ADAMTS17: variants seen among roughly 807,000 people sequenced by gnomAD.
ADAMTS17 encodes the protein A disintegrin and metalloproteinase with thrombospondin motifs 17.
In ADAMTS17, 113 loss-of-function variants were observed where a neutral mutation model predicts 141.5. The observed-to-expected ratio is 0.80, with a 90% CI of 0.69 to 0.93. The LOEUF is 0.93. ADAMTS17 is among the 40% of genes least tolerant of loss of function. ADAMTS17 has a pLI of 0.00. For missense variants in ADAMTS17, 1,659 were observed against 1,517.9 expected (o/e 1.09, Z -1.54); for synonymous variants, 768 against 630.6 (o/e 1.22, Z -3.27).
intron 3 of ADAMTS17, among the ~76,000 whole-genome samples, chr15:100,282,218 C>G (rs991527560): frequency 2.0e-5 from 3 of 152,118 alleles, no homozygotes; most frequent in African/African-American, 7.3e-5. Context: ...AACAGGAAGT[C>G]TCTCTCATTT....
chr15:100,104,186 G>C (rs1034640885), intron 14 of ADAMTS17, among the ~76,000 whole-genome samples: 3 of 152,178 alleles, frequency 2.0e-5, no homozygotes, highest in African/African-American at 7.2e-5. Flanking sequence ...CATGTCAGCA[G>C]CTCCAGATGC....
At chr15:100,075,767 G>C (rs991218717) in intron 15 of ADAMTS17, among the ~76,000 whole-genome samples, 1 of 152,168 alleles carries the variant, frequency 6.6e-6, no homozygotes. Context: ...GCCTTCTGCA[G>C]TGCTCATTTG....
intron 15 of ADAMTS17, among the ~76,000 whole-genome samples, chr15:100,082,526 C>T (rs965111923): frequency 6.6e-6 from 1 of 151,994 alleles, no homozygotes; most frequent in African/African-American, 2.4e-5. Flanking sequence ...GTGGGGACTT[C>T]AGGCACACAC....
At chr15:100,251,692 C>T (rs949119404) in intron 7 of ADAMTS17, among the ~76,000 whole-genome samples, 3 of 152,340 alleles carry the variant, frequency 2.0e-5, no homozygotes, top group South Asian at 2.1e-4. Flanking sequence ...GAGCCCAGAT[C>T]GTGCCACTGC....
chr15:99,987,628 C>T (rs1056570641), intron 20 of ADAMTS17, among the ~76,000 whole-genome samples: 5 of 152,142 alleles, frequency 3.3e-5, no homozygotes, highest in African/African-American at 7.2e-5. Context: ...GTAAACAGTC[C>T]GAATCAGACA....
At position 100,006,737 on chromosome 15, in the gene ADAMTS17, G is replaced by A. The variant is rs929650812; in HGVS notation, c.2592-9148C>T. Among the ~76,000 whole-genome samples, 5 of 152,316 alleles carry A rather than the reference G, an allele frequency of 3.3e-5. No homozygotes were observed. In the South Asian group the frequency reaches 1.0e-3, roughly 32 times the overall value. On this transcript the variant is annotated intron_variant, in intron 18 of 21. Coordinates refer to ENST00000268070, the MANE Select transcript of ADAMTS17 (RefSeq NM_139057.4). Reference sequence around the variant, plus strand: ...GTGTCTAATCTGTGCCAATCTCTGTGCTAGGAATGTTCCCCACATTCACTC... The same window carrying A: ...GTGTCTAATCTGTGCCAATCTCTGTACTAGGAATGTTCCCCACATTCACTC...
intron 9 of ADAMTS17, among the ~76,000 whole-genome samples, chr15:100,154,488 C>A (rs952446347): frequency 6.6e-6 from 1 of 152,136 alleles, no homozygotes; most frequent in African/African-American, 2.4e-5. Context: ...CTCGCCGACT[C>A]ACTGCTGTCT....
intron 3 of ADAMTS17, among the ~76,000 whole-genome samples, chr15:100,328,161 T>A (rs1424813712): frequency 2.6e-5 from 4 of 152,172 alleles, no homozygotes; most frequent in African/African-American, 9.7e-5. Flanking sequence ...AAAGCTTGGA[T>A]TAATCTGATT....
At chr15:100,239,998 CA>C (rs2042780795) in intron 7 of ADAMTS17, among the ~76,000 whole-genome samples, 1 of 152,196 alleles carries the variant, frequency 6.6e-6, no homozygotes, top group African/African-American at 2.4e-5. Flanking sequence ...CCAGTCACAG[CA>C]AAGCCAGAAT....
chr15:100,319,137 G>T (rs1318249575), intron 3 of ADAMTS17, among the ~76,000 whole-genome samples: 1 of 152,266 alleles, frequency 6.6e-6, no homozygotes, highest in Non-Finnish European at 1.5e-5. Context: ...GGGCATAGGG[G>T]ACTCCCAAAG....
chr15:100,045,493 A>T (rs1363783887), intron 18 of ADAMTS17, among the ~76,000 whole-genome samples: 1 of 152,202 alleles, frequency 6.6e-6, no homozygotes, highest in Admixed American at 6.5e-5. Context: ...GGTGGGCAGC[A>T]GCTACAGTCT....
chr15:100,265,469 C>T (rs1440452475), intron 4 of ADAMTS17, among the ~76,000 whole-genome samples: 2 of 152,222 alleles, frequency 1.3e-5, no homozygotes, highest in African/African-American at 2.4e-5. Flanking sequence ...AGTGTTCAGT[C>T]CTGGCTGCGT....
chr15:100,073,793 T>C lies in ADAMTS17; in HGVS notation c.2138-19739A>G, dbSNP rs1332243892. The stretch of plus-strand genomic sequence containing the variant: ...TGGGGGGAGGGGGGGAGGGATAGCA[T>C]TAGGAGATATACCTAATGTTAAATA... On this transcript the variant is annotated intron_variant, in intron 15 of 21. Transcript: ENST00000268070. Among the ~76,000 whole-genome samples the C allele has an allele frequency of 2.0e-5, 3 of 148,802 alleles. No homozygotes were observed. The East Asian group carries it at 6.1e-4, about 30-fold the overall frequency.
At chr15:100,165,914 C>G (rs1245073614) in intron 8 of ADAMTS17, among the ~76,000 whole-genome samples, 3 of 151,872 alleles carry the variant, frequency 2.0e-5, no homozygotes, top group Non-Finnish European at 4.4e-5. Flanking sequence ...CCAGAATGGC[C>G]TTGGGTATTT....
At chr15:100,267,891 C>G (rs930619495) in intron 4 of ADAMTS17, among the ~76,000 whole-genome samples, 1 of 152,202 alleles carries the variant, frequency 6.6e-6, no homozygotes, top group Non-Finnish European at 1.5e-5. Flanking sequence ...TACATTTACA[C>G]TTTTAGTTAT....
chr15:100,173,347 A>C (rs1260794813), intron 8 of ADAMTS17, among the ~76,000 whole-genome samples: 2 of 152,128 alleles, frequency 1.3e-5, no homozygotes, highest in Admixed American at 6.5e-5. Context: ...ATCCACCAGG[A>C]GGTTGCCTTG....
At chr15:100,217,522 C>T (rs1567372432) in intron 7 of ADAMTS17, among the ~76,000 whole-genome samples, 2 of 152,088 alleles carry the variant, frequency 1.3e-5, no homozygotes, top group Non-Finnish European at 2.9e-5. Context: ...TCGCTTGAAT[C>T]CGGGAGGCGG....
intron 19 of ADAMTS17, among the ~76,000 whole-genome samples, chr15:99,995,585 C>A (rs1166941562): frequency 6.6e-6 from 1 of 152,158 alleles, no homozygotes; most frequent in Non-Finnish European, 1.5e-5. Context: ...ATATTTGATC[C>A]TTCTTCTAAT....
intron 10 of ADAMTS17, among the ~76,000 whole-genome samples, chr15:100,136,740 C>T (rs2038353481): frequency 6.6e-6 from 1 of 152,166 alleles, no homozygotes; most frequent in Non-Finnish European, 1.5e-5. Context: ...AATATAAATT[C>T]AAGACCCTCA....
Sources: gnomAD v4.1 joint callset for allele counts (sites outside exome capture counted in the v4.1 genomes callset) on GRCh38, gnomAD v4.1.1 for gene constraint, MANE v1.5 for transcripts, NCBI Gene and HGNC (gene_info 2026-07-23, HGNC 2026-07-21) for gene names.